Variants in LMTK2 observed in about 807,000 individuals in gnomAD.
The protein encoded by LMTK2 is serine/threonine-protein kinase LMTK2.
In LMTK2, 37 loss-of-function variants were observed where a neutral mutation model predicts 127.5. The observed-to-expected ratio is 0.29, with a 90% CI of 0.22 to 0.38. The LOEUF (loss-of-function observed/expected upper bound fraction) is 0.38. LMTK2 is among the 10% of genes least tolerant of loss of function. The pLI, the probability that LMTK2 is intolerant of heterozygous loss-of-function variation, is 1.00. For synonymous variants in LMTK2, 819 were observed against 810.1 expected (o/e 1.01, Z -0.19); for missense variants, 1,694 against 1,920.3 (o/e 0.88, Z 2.20).
At chr7:98,178,858 C>T (rs1797311634) in intron 7 of LMTK2, among the ~76,000 whole-genome samples, 1 of 152,210 alleles carries the variant, frequency 6.6e-6, no homozygotes, top group African/African-American at 2.4e-5. Flanking sequence ...CAAGTGCAAC[C>T]TGTTGTTTCG....
chr7:98,191,588 C>A, intron 10 of LMTK2, 26 bp from the exon 11 acceptor site: 1 of 1,523,440 alleles, frequency 6.6e-7, no homozygotes, highest in African/African-American at 1.4e-5. Flanking sequence ...GATGGTTCCA[C>A]TGATTGCTTG....
At chr7:98,150,307 C>A (rs76353910) in intron 3 of LMTK2, among the ~76,000 whole-genome samples, 377 of 116,538 alleles carry the variant, frequency 3.2e-3, no homozygotes, top group African/African-American at 4.8e-3. Context: ...GACCCTGTCT[C>A]AAAAAAAAAA....
rs762108610 is a variant in LMTK2 at position 98,194,165 on chromosome 7, G to A, written c.3700G>A (p.Glu1234Lys). 23 of 1,613,906 alleles carry A rather than the reference G, an allele frequency of 1.4e-5. No individual in the cohort carries two copies. The highest frequency in any genetic ancestry group is 4.5e-5 in the East Asian group (2 of 44,864). Reference sequence around the variant, plus strand: ...CGCTTCCACGGGGACCAACACGAACGAACTCCTTGCCTACACCAATTCTGC... The same window carrying A: ...CGCTTCCACGGGGACCAACACGAACAAACTCCTTGCCTACACCAATTCTGC... ...TLASTGTNTN[E>K]LLAYTNSALD... The change falls in exon 11 of 14, where the codon GAA becomes AAA. Residue 1234 changes from glutamate to lysine, a missense_variant. By Grantham distance (56) the Glu-to-Lys change is moderately conservative. Around this residue, in one of 8 missense-constraint regions of LMTK2, gnomAD observed 554 missense variants for 567.7 expected, o/e 0.98. Coordinates refer to ENST00000297293, the MANE Select transcript of LMTK2 (RefSeq NM_014916.4). The surrounding 1 kb of genome is among the most constrained non-coding windows in gnomAD (Gnocchi z 5.4).
chr7:98,110,223 T>A (rs1340123618), intron 1 of LMTK2, among the ~76,000 whole-genome samples: 1 of 152,220 alleles, frequency 6.6e-6, no homozygotes, highest in Non-Finnish European at 1.5e-5. Context: ...TCATCTAGAT[T>A]CATTGCTAGA....
intron 4 of LMTK2, among the ~76,000 whole-genome samples, chr7:98,154,120 C>T (rs1796894078): frequency 6.6e-6 from 1 of 152,050 alleles, no homozygotes; most frequent in Non-Finnish European, 1.5e-5. Flanking sequence ...CTTTGGAATA[C>T]CTTGGCATTG....
chr7:98,194,407 C>A lies in LMTK2; in HGVS notation c.3942C>A (p.Thr1314=). Residue 1314 remains threonine (T), a synonymous_variant, in exon 11 of 14, where the codon ACC becomes ACA. Coordinates refer to ENST00000297293, the MANE Select transcript of LMTK2 (RefSeq NM_014916.4). This position sits in a 1 kb window ranked among gnomAD's most constrained non-coding sequence, Gnocchi z 5.4. ...HSLSSESEDE[T]EHPVPIILSN... ...TCAGCTCCGAGTCGGAGGACGAGAC[C>A]GAGCACCCCGTGCCCATCATCCTCA... The A allele has an allele frequency of 6.2e-7, 1 of 1,614,130 alleles. No homozygotes were observed. Among genetic ancestry groups the A allele is most frequent in the Non-Finnish European group, 8.5e-7 (1 of 1,180,034 alleles).
At chr7:98,118,972 G>T (rs1160870226) in intron 1 of LMTK2, among the ~76,000 whole-genome samples, 4 of 151,812 alleles carry the variant, frequency 2.6e-5, no homozygotes, top group African/African-American at 9.7e-5. Flanking sequence ...GGTGCCTGTA[G>T]TCCCAGCTAC....
intron 7 of LMTK2, among the ~76,000 whole-genome samples, chr7:98,184,728 A>G (rs1022095717): frequency 3.3e-5 from 5 of 152,162 alleles, no homozygotes; most frequent in Admixed American, 2.6e-4. Context: ...TCTAAATTGA[A>G]TGAGAAAAAA....
intron 1 of LMTK2, among the ~76,000 whole-genome samples, chr7:98,114,308 A>G (rs1022880651): frequency 6.7e-6 from 1 of 149,026 alleles, no homozygotes; most frequent in Non-Finnish European, 1.5e-5. Context: ...TGGTGCAGTC[A>G]TATTCACTGC....
chr7:98,114,601 C>T (rs1796250190), intron 1 of LMTK2, among the ~76,000 whole-genome samples: 1 of 152,064 alleles, frequency 6.6e-6, no homozygotes, highest in Admixed American at 6.6e-5. Flanking sequence ...GTGTGCAGGA[C>T]CTTGTGCTAT....
chr7:98,197,507 A>C (rs74919740), intron 11 of LMTK2, among the ~76,000 whole-genome samples: 1 of 152,180 alleles, frequency 6.6e-6, no homozygotes. Context: ...AATGATGCTT[A>C]CTTGCAATTA....
chr7:98,107,328 A>G (rs1385476497), intron 1 of LMTK2, 48 bp downstream of exon 1: 1 of 708,208 alleles, frequency 1.4e-6, no homozygotes, highest in Non-Finnish European at 1.6e-6. Flanking sequence ...TTCGGCGTGG[A>G]GGGGAGGGGG....
rs13221419 is a variant in LMTK2 at position 98,208,834 on chromosome 7, C to G, written c.*3342C>G. 1.3e-5 allele frequency: 2 copies of G among 152,028 alleles called. No homozygotes were observed. Among genetic ancestry groups the G allele is most frequent in the East Asian group, 3.9e-4 (2 of 5,192 alleles). The allele number at this position is 152,028 out of a possible 1,614,324, so 9.4% of individuals were successfully genotyped here. A position where few individuals can be genotyped will look rare whatever the true frequency, so the allele number is the denominator to read the frequency against. ...CTATTTTTAAATGTACAGGTTCGATCGTTTCTATAGAAATGGGTTTATCTA... is the reference window on the plus strand; with the variant it reads ...CTATTTTTAAATGTACAGGTTCGATGGTTTCTATAGAAATGGGTTTATCTA... On this transcript the variant is annotated 3_prime_UTR_variant, in exon 14 of 14. Transcript: ENST00000297293.
At chr7:98,204,445 G>T (rs3779054) in intron 13 of LMTK2, among the ~76,000 whole-genome samples, 1 of 152,058 alleles carries the variant, frequency 6.6e-6, no homozygotes, top group East Asian at 1.9e-4. Context: ...AACATAGTGA[G>T]ACCCCATCTC....
intron 11 of LMTK2, among the ~76,000 whole-genome samples, chr7:98,199,959 AT>A (rs1484793709): frequency 2.6e-5 from 4 of 152,164 alleles, no homozygotes; most frequent in African/African-American, 9.7e-5. Flanking sequence ...TGTTTAGATC[AT>A]TTACCTTTAA....
chr7:98,192,632 T>C lies in LMTK2; in HGVS notation c.2167T>C (p.Phe723Leu). Residue 723 changes from phenylalanine to leucine, a missense_variant, in exon 11 of 14, where the codon TTT becomes CTT. Physicochemically the swap from Phe to Leu is conservative, Grantham distance 22. Coordinates refer to ENST00000297293, the MANE Select transcript of LMTK2 (RefSeq NM_014916.4). ...GAATGTTCAAGAATTGTCAGAAAAC[T>C]TTTTATTTCTTCAAGAGAAAAACTT... The part of the protein sequence containing the change: ...PLNVQELSEN[F>L]LFLQEKNLLK... The C allele has an allele frequency of 1.2e-6, 2 of 1,612,126 alleles. No homozygotes were observed. The highest frequency in any genetic ancestry group is 1.7e-6 in the Non-Finnish European group (2 of 1,179,448).
At chr7:98,174,548 C>A (rs939766314) in intron 7 of LMTK2, among the ~76,000 whole-genome samples, 1 of 152,192 alleles carries the variant, frequency 6.6e-6, no homozygotes, top group Non-Finnish European at 1.5e-5. Context: ...GTCTCCTGAG[C>A]AGCCTGTCCG....
At chr7:98,190,607 C>T in intron 9 of LMTK2, 121 bp from the exon 10 acceptor site, 1 of 917,162 alleles carries the variant, frequency 1.1e-6, no homozygotes, top group Non-Finnish European at 1.7e-6. Flanking sequence ...AACAAAGATC[C>T]TATTAATAAT....
In LMTK2 at chr7:98,106,870, A is replaced by G. The variant is rs937296177; in HGVS notation, c.-308A>G. On this transcript the variant is annotated 5_prime_UTR_variant, in exon 1 of 14. Coordinates refer to ENST00000297293, the MANE Select transcript of LMTK2 (RefSeq NM_014916.4). ...TCCCGCCCCCGCGCTACGTCACATGACGCAGCCCATCATGGCGGCGGGAGC... is the reference window on the plus strand; with the variant it reads ...TCCCGCCCCCGCGCTACGTCACATGGCGCAGCCCATCATGGCGGCGGGAGC... The G allele has an allele frequency of 9.0e-6, 4 of 442,824 alleles. No individual in the cohort carries two copies. Among genetic ancestry groups the G allele is most frequent in the Non-Finnish European group, 1.6e-5 (4 of 250,436 alleles). 27.4% of individuals were successfully genotyped at this position (442,824 alleles called of 1,614,324 possible). A position where few individuals can be genotyped will look rare whatever the true frequency, so the allele number is the denominator to read the frequency against.
Sources: gnomAD v4.1 joint callset for allele counts (sites outside exome capture counted in the v4.1 genomes callset) on GRCh38, gnomAD v4.1.1 for gene constraint, gnomAD v4.1.1 regional missense constraint, Gnocchi (gnomAD v3.1) non-coding constraint, MANE v1.5 for transcripts, NCBI Gene and HGNC (gene_info 2026-07-23, HGNC 2026-07-21) for gene names.